FMN2: variants seen among roughly 807,000 people sequenced by gnomAD.
The protein encoded by FMN2 is formin 2.
In FMN2, 51 loss-of-function variants were observed where a neutral mutation model predicts 142.3. That is an observed-to-expected ratio of 0.36 (90% CI 0.29 to 0.45). The LOEUF (loss-of-function observed/expected upper bound fraction) is 0.45, where lower values mean the gene tolerates loss of function less well. Ranked by LOEUF, FMN2 falls within the 20% of genes least tolerant of loss-of-function variation. The pLI, the probability that FMN2 is intolerant of heterozygous loss-of-function variation, is 1.00. For synonymous variants in FMN2, 882 were observed against 869.8 expected, an observed-to-expected ratio of 1.01 and a Z score of -0.25; for missense variants, 1,936 against 2,122.8, an observed-to-expected ratio of 0.91 and a Z score of 1.73.
At chr1:240,216,631 T>G in intron 6 of FMN2, among the ~76,000 whole-genome samples, 1 of 152,220 alleles carries the variant, frequency 6.6e-6, no homozygotes, top group East Asian at 1.9e-4. Context: ...TTCACATTTA[T>G]TACAGATACT....
intron 7 of FMN2, among the ~76,000 whole-genome samples, chr1:240,291,702 G>A (rs116165286): frequency 0.015 from 2,272 of 152,198 alleles, 55 homozygotes; most frequent in African/African-American, 0.052. Flanking sequence ...TCAGGTAAAG[G>A]TTCCATCCCT....
intron 6 of FMN2, among the ~76,000 whole-genome samples, chr1:240,224,178 G>A (rs1446639945): frequency 8.5e-5 from 13 of 152,244 alleles, no homozygotes; most frequent in South Asian, 8.3e-4. Flanking sequence ...ATTCTGGTAC[G>A]TTGTATCTTT....
At chr1:240,333,713 A>G (rs1362679653) in intron 11 of FMN2, among the ~76,000 whole-genome samples, 174 bp from the exon 12 acceptor site, 4 of 152,130 alleles carry the variant, frequency 2.6e-5, no homozygotes, top group Non-Finnish European at 5.9e-5. Context: ...AAAATCTTTT[A>G]AGCCACCAAA....
chr1:240,195,958 T>C (rs73112874), intron 4 of FMN2, among the ~76,000 whole-genome samples: 36,088 of 152,088 alleles, frequency 0.24, 4,550 homozygotes, highest in Middle Eastern at 0.34. Flanking sequence ...CAGTGAGCTA[T>C]GATTGTGCCA....
At chr1:240,183,015 C>T (rs1234921834) in intron 3 of FMN2, among the ~76,000 whole-genome samples, 1 of 151,694 alleles carries the variant, frequency 6.6e-6, no homozygotes, top group African/African-American at 2.4e-5. Context: ...CACCCGAGCT[C>T]AAGTGATCCT....
chr1:240,160,677 G>A (rs894993156), intron 2 of FMN2, among the ~76,000 whole-genome samples: 4 of 151,804 alleles, frequency 2.6e-5, no homozygotes, highest in African/African-American at 4.8e-5. Flanking sequence ...AAATATTGAA[G>A]GTTTGTTCTT....
chr1:240,314,309 G>A (rs1486930042), intron 8 of FMN2, among the ~76,000 whole-genome samples: 1 of 152,094 alleles, frequency 6.6e-6, no homozygotes, highest in Non-Finnish European at 1.5e-5. Context: ...AGCAAGGAGT[G>A]CAAATATTGC....
chr1:240,361,450 T>A (rs1266397312), intron 14 of FMN2, among the ~76,000 whole-genome samples: 1 of 151,778 alleles, frequency 6.6e-6, no homozygotes, highest in Non-Finnish European at 1.5e-5. Flanking sequence ...GGTAAAGAAA[T>A]GAGAAAGCCT....
intron 2 of FMN2, among the ~76,000 whole-genome samples, chr1:240,172,025 T>A (rs531574912): frequency 6.6e-6 from 1 of 152,354 alleles, no homozygotes; most frequent in African/African-American, 2.4e-5. Flanking sequence ...TGTGATTTGC[T>A]CTGTTAAACA....
intron 13 of FMN2, among the ~76,000 whole-genome samples, chr1:240,337,935 A>G (rs139693275): frequency 6.6e-6 from 1 of 152,326 alleles, no homozygotes; most frequent in Non-Finnish European, 1.5e-5. Context: ...TTCGTTAAGC[A>G]ACCTGATCTG....
intron 14 of FMN2, among the ~76,000 whole-genome samples, chr1:240,361,061 G>A (rs1013507774): frequency 2.9e-4 from 42 of 147,366 alleles, no homozygotes; most frequent in Non-Finnish European, 5.4e-4. Context: ...CATGGCACAT[G>A]TATACATATG....
In FMN2 at chr1:240,266,572, G is replaced by A. The variant is rs116238462; in HGVS notation, c.4153+8540G>A. Among the ~76,000 whole-genome samples the A allele has an allele frequency of 4.2e-3, 636 of 152,096 alleles. 3 individuals are homozygous for A. The highest frequency in any genetic ancestry group is 7.0e-3 in the Admixed American group (107 of 15,256). On this transcript the variant is annotated intron_variant, in intron 7 of 17. Transcript: ENST00000319653. ...TTGTTTTTTGGCTGTGTAATGTTCC[G>A]TGGTATATATGTACCATGTTTTCCT...
Position 240,268,093 on chromosome 1 carries a change from C to T in FMN2, c.4153+10061C>T, listed in dbSNP as rs529316836. Among the ~76,000 whole-genome samples, 13 of 152,018 alleles carry T rather than the reference C, an allele frequency of 8.6e-5. 1 individual carries two copies. Among genetic ancestry groups the T allele is most frequent in the East Asian group, 3.9e-4 (2 of 5,176 alleles). On this transcript the variant is annotated intron_variant, in intron 7 of 17. Transcript: ENST00000319653. ...ACAGTGTGGGGATTTCTGAAAAAAA[C>T]GTAAAACACAACTCTCATTAGACCC...
chr1:240,123,507 A>C lies in FMN2; in HGVS notation c.1782+162A>C, dbSNP rs114666740. Among the ~76,000 whole-genome samples the C allele has an allele frequency of 2.4e-4, 35 of 145,272 alleles. No individual in the cohort carries two copies. The East Asian group carries it at 2.6e-3, about 11-fold the overall frequency. ...AGCTCGGTATGTCTGTTTGTACACA[A>C]AAAAAAAAAAAAAAAGAAAGAAAAA... On this transcript the variant is annotated intron_variant, in intron 2 of 17. Transcript: ENST00000319653.
intron 8 of FMN2, 88 bp downstream of exon 8, chr1:240,294,971 T>C (rs934171750): frequency 5.9e-6 from 7 of 1,183,236 alleles, no homozygotes; most frequent in East Asian, 2.5e-5. Context: ...TGTTTTAAGG[T>C]CCTCTAAAGA....
rs753382466 is a variant in FMN2, at chr1:240,207,531, ATGCTGCCAC to A, written c.2720_2728del (p.Met907_Pro910delinsThr). 1 of 1,612,034 alleles carries A rather than the reference ATGCTGCCAC, an allele frequency of 6.2e-7. No individual in the cohort carries two copies. The highest frequency in any genetic ancestry group is 8.5e-7 in the Non-Finnish European group (1 of 1,179,686). On this transcript the variant is annotated inframe_deletion, in exon 5 of 18. Transcript: ENST00000319653. Reference sequence around the variant, plus strand: ...ACCTCCTCCTCTGCAGGGTACAGAAATGCTGCCACCCCCTCCCCCTCCTCTTCCCGGAGC... The same window carrying A: ...ACCTCCTCCTCTGCAGGGTACAGAAACCCCTCCCCCTCCTCTTCCCGGAGC...
At chr1:240,243,862 C>T (rs904459043) in intron 6 of FMN2, among the ~76,000 whole-genome samples, 1 of 152,124 alleles carries the variant, frequency 6.6e-6, no homozygotes, top group Non-Finnish European at 1.5e-5. Context: ...TTTGCCTTTC[C>T]TTCTATTCTT....
chr1:240,148,313 C>G (rs370132173), intron 2 of FMN2, among the ~76,000 whole-genome samples: 4 of 147,600 alleles, frequency 2.7e-5, no homozygotes, highest in African/African-American at 5.0e-5. Context: ...GAGAGAGAGA[C>G]AGACAGAAAC....
chr1:240,146,219 TA>T lies in FMN2; in HGVS notation c.1782+22890del, dbSNP rs35158592. Among the ~76,000 whole-genome samples, 582 of 127,042 alleles carry T rather than the reference TA, an allele frequency of 4.6e-3. 1 individual carries two copies. Among genetic ancestry groups the T allele is most frequent in the African/African-American group, 9.3e-3 (314 of 33,788 alleles). The allele number at this position is 127,042 out of a possible 152,430, so 83.3% of individuals were successfully genotyped here. A position where few individuals can be genotyped will look rare whatever the true frequency, so the allele number is the denominator to read the frequency against. ...TAACATGGAGAAACCCCGTCTCTAC[TA>T]AAAAAAAAAAAAAAATACAAAAAAT... is the stretch of plus-strand genomic sequence containing the variant. On this transcript the variant is annotated intron_variant, in intron 2 of 17. Transcript: ENST00000319653.
Sources: gnomAD v4.1 joint callset for allele counts (sites outside exome capture counted in the v4.1 genomes callset) on GRCh38, gnomAD v4.1.1 for gene constraint, MANE v1.5 for transcripts, NCBI Gene and HGNC (gene_info 2026-07-23, HGNC 2026-07-21) for gene names.